The following QPCT variants were observed in gnomAD, a reference collection of about 807,000 sequenced individuals.
QPCT encodes the protein glutaminyl-peptide cyclotransferase.
Under a neutral mutation model 43.4 loss-of-function variants are expected in QPCT, and 44 were observed. The observed-to-expected ratio is 1.01, with a 90% CI of 0.80 to 1.30. The LOEUF (loss-of-function observed/expected upper bound fraction) is 1.30. QPCT is among the 50% of genes most tolerant of loss of function. The probability of loss-of-function intolerance (pLI) is 0.00; values close to 1 mark genes in which losing one functional copy is unlikely to be tolerated. For synonymous variants in QPCT, 168 were observed against 168.4 expected (o/e 1.00, Z 0.02); for missense variants, 526 against 436.5 (o/e 1.21, Z -1.83).
In QPCT at chr2:37,372,877, C is replaced by G; in HGVS notation, c.*50C>G. On this transcript the variant is annotated 3_prime_UTR_variant, in exon 7 of 7. Coordinates refer to ENST00000338415, the MANE Select transcript of QPCT (RefSeq NM_012413.4). The stretch of plus-strand genomic sequence containing the variant: ...TGGTTCTAGAATTGAATTCAAAAGT[C>G]AAGGCATCATTTAAAATAATCTGAT... 6.8e-7 allele frequency: 1 copy of G among 1,478,192 alleles called. No homozygotes were observed. The highest frequency in any genetic ancestry group is 1.3e-5 in the South Asian group (1 of 78,338). 91.6% of individuals were successfully genotyped at this position (1,478,192 alleles called of 1,614,324 possible).
In QPCT at chr2:37,369,765, C is replaced by A. The variant is rs769234907; in HGVS notation, c.804C>A (p.Phe268Leu). The A allele has an allele frequency of 1.9e-6, 3 of 1,591,986 alleles. No individual in the cohort carries two copies. The highest frequency in any genetic ancestry group is 1.7e-6 in the Non-Finnish European group (2 of 1,159,936). Residue 268 changes from phenylalanine to leucine, a missense_variant, in exon 5 of 7, where the codon TTC (phenylalanine) becomes TTA (leucine). By Grantham distance (22) the Phe-to-Leu change is conservative. Coordinates refer to ENST00000338415, the MANE Select transcript of QPCT (RefSeq NM_012413.4). ...PNFFPNSARWFERLQAIEHEL... is the reference protein window; with the variant it reads ...PNFFPNSARWLERLQAIEHEL... ...TTTTTCCAAACTCAGCCAGGTGGTT[C>A]GAAAGACTTCAAGCAATTGGTAAGC...
intron 3 of QPCT, among the ~76,000 whole-genome samples, chr2:37,366,804 C>T (rs138216048): frequency 7.2e-5 from 11 of 152,326 alleles, no homozygotes; most frequent in East Asian, 1.9e-4. Flanking sequence ...GCCCCCCGTA[C>T]CCGTGTAGGT....
rs1558599525 is a variant in QPCT at position 37,347,207 on chromosome 2, CATATATATAACAT to C, written c.120+2379_120+2391del. Among the ~76,000 whole-genome samples the C allele has an allele frequency of 7.2e-4, 21 of 28,986 alleles. 4 individuals are homozygous for C. Among genetic ancestry groups the C allele is most frequent in the Admixed American group, 4.3e-3 (7 of 1,616 alleles). The allele number at this position is 28,986 out of a possible 152,430, so 19.0% of individuals were successfully genotyped here. On this transcript the variant is annotated intron_variant, in intron 1 of 6. Coordinates refer to ENST00000338415, the MANE Select transcript of QPCT (RefSeq NM_012413.4). The stretch of plus-strand genomic sequence containing the variant: ...ATATATATATAACATATATATATAA[CATATATATAACAT>C]ATATATATAACATATATATATATAT...
chr2:37,358,461 C>CAAAACAAAAA (rs573104238), intron 2 of QPCT, among the ~76,000 whole-genome samples: 1 of 151,244 alleles, frequency 6.6e-6, no homozygotes, highest in Non-Finnish European at 1.5e-5. Flanking sequence ...CAAAACAAAA[C>CAAAACAAAAA]AAACAAACAA....
intron 2 of QPCT, among the ~76,000 whole-genome samples, chr2:37,356,984 C>T (rs959874593): frequency 1.4e-5 from 2 of 146,030 alleles, no homozygotes; most frequent in East Asian, 4.0e-4. Flanking sequence ...TCCAGCCTGG[C>T]GACAGAGTGA....
chr2:37,364,915 T>C (rs1672931871), intron 3 of QPCT, among the ~76,000 whole-genome samples: 1 of 150,312 alleles, frequency 6.7e-6, no homozygotes, highest in Non-Finnish European at 1.5e-5. Context: ...TGTGTATTAT[T>C]ATAATATAAT....
chr2:37,352,089 AT>A (rs1259763270), intron 1 of QPCT, among the ~76,000 whole-genome samples: 2 of 152,078 alleles, frequency 1.3e-5, no homozygotes, highest in Non-Finnish European at 2.9e-5. Context: ...TAGTAGCTAC[AT>A]TAAAAAAGTG....
rs748891521 is a variant in QPCT at position 37,372,391 on chromosome 2, C to T, written c.859C>T (p.His287Tyr). The T allele has an allele frequency of 5.0e-6, 8 of 1,614,084 alleles. No individual in the cohort carries two copies. Among genetic ancestry groups the T allele is most frequent in the East Asian group, 2.2e-5 (1 of 44,890 alleles). The stretch of plus-strand genomic sequence containing the variant: ...TCATGAATTGGGTTTGCTCAAGGAT[C>T]ACTCTTTGGAGGGGCGGTATTTCCA... ...ELHELGLLKD[H>Y]SLEGRYFQNY... Residue 287 changes from histidine to tyrosine, a missense_variant, in exon 6 of 7, where the codon CAC becomes TAC. Physicochemically the swap from His to Tyr is moderately conservative, Grantham distance 83. Coordinates refer to ENST00000338415, the MANE Select transcript of QPCT (RefSeq NM_012413.4).
rs927013433 is a variant in QPCT, at chr2:37,344,741, G to A, written c.10G>A (p.Gly4Arg). 4 of 1,603,242 alleles carry A rather than the reference G, an allele frequency of 2.5e-6. No homozygotes were observed. Among genetic ancestry groups the A allele is most frequent in the South Asian group, 1.1e-5 (1 of 90,226 alleles). Reference sequence around the variant, plus strand: ...AGACAGACTCGGAGAGATGGCAGGCGGAAGACACCGGCGCGTCGTGGGCAC... The same window carrying A: ...AGACAGACTCGGAGAGATGGCAGGCAGAAGACACCGGCGCGTCGTGGGCAC... MAG[G>R]RHRRVVGTLH... The change falls in exon 1 of 7, where the codon GGA (glycine) becomes AGA (arginine). Residue 4 changes from glycine to arginine, a missense_variant. Coordinates refer to ENST00000338415, the MANE Select transcript of QPCT (RefSeq NM_012413.4).
At position 37,344,709 on chromosome 2, in the gene QPCT, C is replaced by A. The variant is rs11555867; in HGVS notation, c.-23C>A. The A allele has an allele frequency of 2.5e-6, 4 of 1,587,654 alleles. No individual in the cohort carries two copies. The highest frequency in any genetic ancestry group is 2.7e-5 in the African/African-American group (2 of 73,798). On this transcript the variant is annotated 5_prime_UTR_variant, in exon 1 of 7. Coordinates refer to ENST00000338415, the MANE Select transcript of QPCT (RefSeq NM_012413.4). Reference sequence around the variant, plus strand: ...GTGACCGCCAGCGGCCCGGGGAACCCGCTCCCAGACAGACTCGGAGAGATG... The same window carrying A: ...GTGACCGCCAGCGGCCCGGGGAACCAGCTCCCAGACAGACTCGGAGAGATG...
chr2:37,373,037 G>A lies in QPCT; in HGVS notation c.*210G>A. 1 of 401,632 alleles carries A rather than the reference G, an allele frequency of 2.5e-6. No homozygotes were observed. Among genetic ancestry groups the A allele is most frequent in the Non-Finnish European group, 4.3e-6 (1 of 231,452 alleles). 24.9% of individuals were successfully genotyped at this position (401,632 alleles called of 1,614,324 possible). Reference sequence around the variant, plus strand: ...AATTGCTCATTAATTTTTATTTACAGATTGAAAAAGAGGGACCGTGTAAAG... The same window carrying A: ...AATTGCTCATTAATTTTTATTTACAAATTGAAAAAGAGGGACCGTGTAAAG... On this transcript the variant is annotated 3_prime_UTR_variant, in exon 7 of 7. Coordinates refer to ENST00000338415, the MANE Select transcript of QPCT (RefSeq NM_012413.4).
rs142235232 is a variant in QPCT, at chr2:37,366,911, T to C, written c.547-321T>C. Among the ~76,000 whole-genome samples, 264 of 152,322 alleles carry C rather than the reference T, an allele frequency of 1.7e-3. 1 individual carries two copies. Among genetic ancestry groups the C allele is most frequent in the African/African-American group, 6.0e-3 (250 of 41,566 alleles). On this transcript the variant is annotated intron_variant, in intron 3 of 6. Coordinates refer to ENST00000338415, the MANE Select transcript of QPCT (RefSeq NM_012413.4). ...GCAGCTGAGGCAACACACCCTCCTGTATGGGAAGTGGGTGGTGTATCACAC... is the reference window on the plus strand; with the variant it reads ...GCAGCTGAGGCAACACACCCTCCTGCATGGGAAGTGGGTGGTGTATCACAC...
chr2:37,369,376 T>C (rs1177989882), intron 4 of QPCT, among the ~76,000 whole-genome samples: 1 of 152,256 alleles, frequency 6.6e-6, no homozygotes, highest in Non-Finnish European at 1.5e-5. Context: ...AATAAATGTA[T>C]GCTTTTAATG....
intron 1 of QPCT, among the ~76,000 whole-genome samples, chr2:37,347,985 A>G (rs1313179767): frequency 2.0e-5 from 3 of 152,204 alleles, no homozygotes; most frequent in Non-Finnish European, 4.4e-5. Flanking sequence ...TGTCACCCAT[A>G]ACCCCACTAT....
intron 2 of QPCT, among the ~76,000 whole-genome samples, chr2:37,355,387 T>C (rs553003505): frequency 6.6e-6 from 1 of 152,280 alleles, no homozygotes; most frequent in South Asian, 2.1e-4. Context: ...ACAAAAATGA[T>C]TGAACCTTTT....
chr2:37,371,443 A>AC (rs1364611322), intron 5 of QPCT, among the ~76,000 whole-genome samples: 1 of 151,514 alleles, frequency 6.6e-6, no homozygotes, highest in East Asian at 1.9e-4. Context: ...AAAAAAAAAA[A>AC]AAAAAAAAAG....
At position 37,368,951 on chromosome 2, in the gene QPCT, A is replaced by G. The variant is rs542437490; in HGVS notation, c.724-734A>G. 9.8e-5 allele frequency among the ~76,000 whole-genome samples: 15 copies of G among 152,300 alleles called. No homozygotes were observed. The East Asian group carries it at 2.9e-3, about 29-fold the overall frequency. The stretch of plus-strand genomic sequence containing the variant: ...GAATATATTGAATTTTCATTCATGA[A>G]TTTTTTCATACTATGTCTTTAGGAT... On this transcript the variant is annotated intron_variant, in intron 4 of 6. Coordinates refer to ENST00000338415, the MANE Select transcript of QPCT (RefSeq NM_012413.4).
chr2:37,361,992 G>T (rs1311673657), intron 3 of QPCT, among the ~76,000 whole-genome samples: 1 of 152,170 alleles, frequency 6.6e-6, no homozygotes, highest in East Asian at 1.9e-4. Flanking sequence ...TTCCTGAAAT[G>T]AAGCAAAAAG....
chr2:37,368,911 A>AT (rs1437063619), intron 4 of QPCT, among the ~76,000 whole-genome samples: 1 of 152,056 alleles, frequency 6.6e-6, no homozygotes, highest in Non-Finnish European at 1.5e-5. Context: ...AAAGAAGCCT[A>AT]TTTTTTCCTA....
Sources: gnomAD v4.1 joint callset for allele counts (sites outside exome capture counted in the v4.1 genomes callset) on GRCh38, gnomAD v4.1.1 for gene constraint, MANE v1.5 for transcripts, NCBI Gene and HGNC (gene_info 2026-07-23, HGNC 2026-07-21) for gene names.